NHSL2: variants seen among roughly 807,000 people sequenced by gnomAD.
The protein encoded by NHSL2 is NHS like 2, also known as NHS-like protein 2.
Under a neutral mutation model 53.4 loss-of-function variants are expected in NHSL2, and 27 were observed. That is an observed-to-expected ratio of 0.51 (90% CI 0.37 to 0.70). NHSL2 has a LOEUF of 0.70. NHSL2 is among the 30% of genes least tolerant of loss of function. The pLI is 0.00. For missense variants in NHSL2, 892 were observed against 980.1 expected (o/e 0.91, Z 1.20); for synonymous variants, 408 against 404.1 (o/e 1.01, Z -0.12).
intron 1 of NHSL2, among the ~76,000 whole-genome samples, chrX:72,060,782 G>A (rs1263432263): frequency 1.8e-5 from 2 of 112,798 alleles, no homozygotes; most frequent in African/African-American, 3.2e-5. Flanking sequence ...CCAGCTGCCC[G>A]TTGCCATGGC....
chrX:71,970,508 G>T, intron 1 of NHSL2, among the ~76,000 whole-genome samples: 2 of 111,010 alleles, frequency 1.8e-5, no homozygotes, highest in South Asian at 7.5e-4. Flanking sequence ...TACCGAATTT[G>T]TTGCCATATA....
chrX:71,918,400 AGTTTTTAAAAAATATCTATCATCT>A (rs1409628251), intron 1 of NHSL2, among the ~76,000 whole-genome samples: 1 of 108,223 alleles, frequency 9.2e-6, no homozygotes, highest in Admixed American at 9.8e-5. Flanking sequence ...AGAGGAGATG[AGTTTTTAAAAAATATCTATCATCT>A]GTTTTTATTT....
At chrX:71,943,475 T>C (rs1374480905) in intron 1 of NHSL2, among the ~76,000 whole-genome samples, 1 of 112,918 alleles carries the variant, frequency 8.9e-6, no homozygotes, top group Admixed American at 9.3e-5. Context: ...TCTGCACATA[T>C]CGCCTGTTTC....
intron 1 of NHSL2, among the ~76,000 whole-genome samples, chrX:71,977,888 C>T (rs759842248): frequency 9.0e-6 from 1 of 111,428 alleles, no homozygotes; most frequent in South Asian, 3.8e-4. Flanking sequence ...TTTATCCCAC[C>T]TCCCTTATTA....
chrX:71,983,233 C>T (rs892890149), intron 1 of NHSL2, among the ~76,000 whole-genome samples: 1 of 111,362 alleles, frequency 9.0e-6, no homozygotes, highest in Non-Finnish European at 1.9e-5. Flanking sequence ...GATGGGTATA[C>T]AACTCTGTGA....
At chrX:71,949,297 T>C (rs1311949499) in intron 1 of NHSL2, among the ~76,000 whole-genome samples, 1 of 110,232 alleles carries the variant, frequency 9.1e-6, no homozygotes, top group Non-Finnish European at 1.9e-5. Flanking sequence ...GGGCTGGGCG[T>C]GGGTGAGAAG....
At chrX:71,956,232 A>G (rs1470769808) in intron 1 of NHSL2, among the ~76,000 whole-genome samples, 1 of 112,516 alleles carries the variant, frequency 8.9e-6, no homozygotes, top group African/African-American at 3.2e-5. Context: ...GAGTTTGATC[A>G]TATGTATGCA....
intron 1 of NHSL2, among the ~76,000 whole-genome samples, chrX:72,097,626 C>T (rs2041953873): frequency 8.9e-6 from 1 of 111,979 alleles, no homozygotes; most frequent in Non-Finnish European, 1.9e-5. Context: ...CAGACCCACC[C>T]TTCGGAAGCT....
In NHSL2 at chrX:72,035,264, C is replaced by T. The variant is rs999243771; in HGVS notation, c.281-96815C>T. 4.5e-5 allele frequency among the ~76,000 whole-genome samples: 5 copies of T among 111,420 alleles called. No individual in the cohort carries two copies. In the South Asian group the frequency reaches 1.9e-3, roughly 42 times the overall value. ...TGATTCTCTATGTCAAGAGAACAGA[C>T]TCAGTGTGACTTCAAATATTTTTAA... On this transcript the variant is annotated intron_variant, in intron 1 of 7. Transcript: ENST00000633930.
intron 1 of NHSL2, among the ~76,000 whole-genome samples, chrX:72,058,009 C>T (rs2042378943): frequency 8.9e-6 from 1 of 112,310 alleles, no homozygotes; most frequent in African/African-American, 3.2e-5. Flanking sequence ...ACAGGAAGAA[C>T]ACAGAAAGCA....
chrX:72,100,837 C>T (rs1302300900), intron 1 of NHSL2, among the ~76,000 whole-genome samples: 1 of 112,118 alleles, frequency 8.9e-6, no homozygotes, highest in East Asian at 2.8e-4. Flanking sequence ...GCTGTGTTAA[C>T]TTACATGCCA....
At chrX:71,937,188 A>G (rs1450980543) in intron 1 of NHSL2, among the ~76,000 whole-genome samples, 1 of 111,906 alleles carries the variant, frequency 8.9e-6, no homozygotes, top group Non-Finnish European at 1.9e-5. Flanking sequence ...TTTCTTCGGC[A>G]GCAGCAGAGG....
rs957587840 is a variant in NHSL2 at position 72,024,590 on chromosome X, T to C, written c.281-107489T>C. ...GACGGGCACAGAGAGGCTGAGTGGG[T>C]GGTCTAGATCACATAGCTAAAGAAC... is the stretch of plus-strand genomic sequence containing the variant. On this transcript the variant is annotated intron_variant, in intron 1 of 7. Coordinates refer to ENST00000633930, the MANE Select transcript of NHSL2 (RefSeq NM_001013627.3). Among the ~76,000 whole-genome samples, 3 of 111,876 alleles carry C rather than the reference T, an allele frequency of 2.7e-5. No individual in the cohort carries two copies. In the South Asian group the frequency reaches 1.1e-3, roughly 42 times the overall value.
rs763375884 is a variant in NHSL2 at position 72,018,721 on chromosome X, C to T, written c.280+107354C>T. Among the ~76,000 whole-genome samples the T allele has an allele frequency of 2.4e-4, 27 of 112,870 alleles. No individual in the cohort carries two copies. In the South Asian group the frequency reaches 9.7e-3, roughly 40 times the overall value. On this transcript the variant is annotated intron_variant, in intron 1 of 7. Transcript: ENST00000633930. Reference sequence around the variant, plus strand: ...AGCCGGGCCCCCGCCCGCCCTCCTCCCCCGCCCCGCGGAGTGGCGGCGCCA... The same window carrying T: ...AGCCGGGCCCCCGCCCGCCCTCCTCTCCCGCCCCGCGGAGTGGCGGCGCCA...
At chrX:72,034,971 CTTA>C (rs1569474137) in intron 1 of NHSL2, among the ~76,000 whole-genome samples, 1 of 111,584 alleles carries the variant, frequency 9.0e-6, no homozygotes, top group Admixed American at 9.5e-5. Context: ...TCTTTCTCTT[CTTA>C]TTATTATACA....
intron 1 of NHSL2, chrX:72,131,196 G>A: frequency 3.3e-6 from 4 of 1,196,093 alleles, no homozygotes; most frequent in Non-Finnish European, 4.5e-6. Context: ...CAGCGGGCCC[G>A]TCGGGGGTGC....
intron 1 of NHSL2, among the ~76,000 whole-genome samples, chrX:71,929,946 G>A (rs992582650): frequency 8.2e-5 from 9 of 110,068 alleles, no homozygotes; most frequent in Non-Finnish European, 1.5e-4. Flanking sequence ...GTAGAGGCGG[G>A]GTTTTGTCAT....
At chrX:72,115,462 G>T (rs2042131082) in intron 1 of NHSL2, among the ~76,000 whole-genome samples, 1 of 104,010 alleles carries the variant, frequency 9.6e-6, no homozygotes, top group African/African-American at 3.6e-5. Context: ...GTGAGAGGCT[G>T]CAGGGAGACT....
chrX:72,090,354 C>T (rs1404763854), intron 1 of NHSL2, among the ~76,000 whole-genome samples: 4 of 111,484 alleles, frequency 3.6e-5, no homozygotes, highest in East Asian at 2.8e-4. Flanking sequence ...TGTGAGCCAC[C>T]GTGCCCGGCC....
Sources: allele counts gnomAD v4.1 joint callset (sites outside exome capture counted in the v4.1 genomes callset), GRCh38; gene constraint gnomAD v4.1.1; transcripts MANE v1.5; gene names NCBI Gene and HGNC (gene_info 2026-07-23, HGNC 2026-07-21).